The following PIEZO2 variants were observed in gnomAD, a reference collection of about 807,000 sequenced individuals.
PIEZO2 encodes piezo type mechanosensitive ion channel component 2, also known as piezo-type mechanosensitive ion channel component 2.
Under a neutral mutation model 337.3 loss-of-function variants are expected in PIEZO2, and 172 were observed. The observed-to-expected ratio is 0.51, with a 90% CI of 0.45 to 0.58. The LOEUF is 0.58. Ranked by LOEUF, PIEZO2 falls within the 20% of genes least tolerant of loss-of-function variation. The pLI, the probability that PIEZO2 is intolerant of heterozygous loss-of-function variation, is 0.00. For synonymous variants in PIEZO2, 1,251 were observed against 1,228.5 expected (o/e 1.02, Z -0.38); for missense variants, 3,028 against 3,391.3 (o/e 0.89, Z 2.66).
chr18:10,762,401 G>A, intron 23 of PIEZO2, 99 bp downstream of exon 23: 1 of 1,375,936 alleles, frequency 7.3e-7, no homozygotes, highest in Non-Finnish European at 9.7e-7. Context: ...GAGAAGATAT[G>A]GTTACTATCA....
intron 7 of PIEZO2, among the ~76,000 whole-genome samples, chr18:10,829,087 T>C (rs900875998): frequency 4.6e-5 from 7 of 152,210 alleles, no homozygotes; most frequent in Non-Finnish European, 8.8e-5. Context: ...TTGATTGATA[T>C]TAATTTAATA....
chr18:10,759,409 C>T lies in PIEZO2; in HGVS notation c.3757+73G>A. 1 of 1,276,174 alleles carries T rather than the reference C, an allele frequency of 7.8e-7. No individual in the cohort carries two copies. The highest frequency in any genetic ancestry group is 1.1e-6 in the Non-Finnish European group (1 of 913,260). The allele number at this position is 1,276,174 out of a possible 1,614,324, so 79.1% of individuals were successfully genotyped here. On this transcript the variant is annotated intron_variant, in intron 26 of 55. Transcript: ENST00000674853. This position sits in a 1 kb window ranked among gnomAD's most constrained non-coding sequence, Gnocchi z 5.5. ...TAGTGGAAGACAAAAGGCACTAATG[C>T]ATAGCACGTGAACAATGATTAACAG...
Position 10,781,209 on chromosome 18 carries a change from G to C in PIEZO2, c.2493-843C>G, listed in dbSNP as rs9955301. 6.6e-6 allele frequency among the ~76,000 whole-genome samples: 1 copy of C among 151,856 alleles called. No homozygotes were observed. The highest frequency in any genetic ancestry group is 2.1e-4 in the South Asian group (1 of 4,818). On this transcript the variant is annotated intron_variant, in intron 17 of 55. Transcript: ENST00000674853. The surrounding 1 kb of genome is among the most constrained non-coding windows in gnomAD (Gnocchi z 4.1). ...AATATGGCCGGGTGTGGTGGCTCAC[G>C]CCTGTAATCCCAGCACTTTGGGAAG... is the stretch of plus-strand genomic sequence containing the variant.
At chr18:10,776,185 G>A (rs774081817) in intron 18 of PIEZO2, among the ~76,000 whole-genome samples, 6 of 151,914 alleles carry the variant, frequency 3.9e-5, no homozygotes, top group African/African-American at 7.3e-5. Flanking sequence ...AAAAGACTTG[G>A]GTTCAAGTCT....
Position 11,128,386 on chromosome 18 carries a change from C to T in PIEZO2, c.64+20139G>A, listed in dbSNP as rs538397615. Among the ~76,000 whole-genome samples, 218 of 152,220 alleles carry T rather than the reference C, an allele frequency of 1.4e-3. No individual in the cohort carries two copies. Among genetic ancestry groups the T allele is most frequent in the African/African-American group, 4.8e-3 (199 of 41,524 alleles). ...GCAACGAAAGATACATGCACAGCCCCGCCAGGTGTCTACTGTTAAAGTGAG... is the reference window on the plus strand; with the variant it reads ...GCAACGAAAGATACATGCACAGCCCTGCCAGGTGTCTACTGTTAAAGTGAG... On this transcript the variant is annotated intron_variant, in intron 1 of 55. Coordinates refer to ENST00000674853, the MANE Select transcript of PIEZO2 (RefSeq NM_001378183.1). The surrounding 1 kb of genome is among the most constrained non-coding windows in gnomAD (Gnocchi z 4.1).
chr18:10,970,490 CT>C (rs1235935431), intron 3 of PIEZO2, among the ~76,000 whole-genome samples: 1 of 152,178 alleles, frequency 6.6e-6, no homozygotes, highest in East Asian at 1.9e-4. Flanking sequence ...CAACTTAACT[CT>C]TCTGTTTTTG....
rs1338616459 is a variant in PIEZO2 at position 10,895,536 on chromosome 18, C to T, written c.329+15650G>A. Among the ~76,000 whole-genome samples the T allele has an allele frequency of 6.6e-6, 1 of 152,122 alleles. No homozygotes were observed. Among genetic ancestry groups the T allele is most frequent in the Non-Finnish European group, 1.5e-5 (1 of 68,022 alleles). On this transcript the variant is annotated intron_variant, in intron 4 of 55. Transcript: ENST00000674853. The surrounding 1 kb of genome is among the most constrained non-coding windows in gnomAD (Gnocchi z 4.8). ...CCACACCAGAGCCCCCCAGCTGGAA[C>T]AGAGTGCCGGGGAATGGTGCCGTTT...
chr18:11,042,871 T>C (rs2037174246), intron 2 of PIEZO2, among the ~76,000 whole-genome samples: 1 of 152,218 alleles, frequency 6.6e-6, no homozygotes, highest in East Asian at 1.9e-4. Flanking sequence ...ACCTTCCAAG[T>C]TGAATTAAAT....
At position 10,707,606 on chromosome 18, in the gene PIEZO2, G is replaced by T. The variant is rs1032049943; in HGVS notation, c.5588+669C>A. Among the ~76,000 whole-genome samples the T allele has an allele frequency of 6.6e-6, 1 of 152,168 alleles. No individual in the cohort carries two copies. Among genetic ancestry groups the T allele is most frequent in the African/African-American group, 2.4e-5 (1 of 41,432 alleles). Reference sequence around the variant, plus strand: ...TAAGGCAATTCAAAAAGAGTTTTCGGGTTGTATGCAAATAATTTTATTTCT... The same window carrying T: ...TAAGGCAATTCAAAAAGAGTTTTCGTGTTGTATGCAAATAATTTTATTTCT... On this transcript the variant is annotated intron_variant, in intron 40 of 55. Coordinates refer to ENST00000674853, the MANE Select transcript of PIEZO2 (RefSeq NM_001378183.1). This position sits in a 1 kb window ranked among gnomAD's most constrained non-coding sequence, Gnocchi z 4.2.
intron 7 of PIEZO2, among the ~76,000 whole-genome samples, chr18:10,829,311 T>G (rs540945756): frequency 3.3e-5 from 5 of 150,150 alleles, no homozygotes; most frequent in Admixed American, 6.6e-5. Flanking sequence ...CTCAACACAA[T>G]AAAAGCCATA....
At chr18:10,736,275 C>T (rs2036990016) in intron 34 of PIEZO2, among the ~76,000 whole-genome samples, 1 of 99,482 alleles carries the variant, frequency 1.0e-5, no homozygotes, top group Non-Finnish European at 2.0e-5. Context: ...CAATGCAATG[C>T]CAGAGAAGTC....
At chr18:10,721,992 A>C (rs2036330962) in intron 36 of PIEZO2, among the ~76,000 whole-genome samples, 1 of 152,068 alleles carries the variant, frequency 6.6e-6, no homozygotes, top group African/African-American at 2.4e-5. Flanking sequence ...GGTCTCTACG[A>C]AAATACAAAA....
At chr18:10,793,289 T>C (rs9966251) in intron 13 of PIEZO2, among the ~76,000 whole-genome samples, 25,535 of 152,050 alleles carry the variant, frequency 0.17, 2,474 homozygotes, top group East Asian at 0.39. Context: ...ACAAATGTTA[T>C]TGTAATAGAA....
intron 2 of PIEZO2, among the ~76,000 whole-genome samples, chr18:10,995,310 G>A (rs2035281062): frequency 6.6e-6 from 1 of 151,956 alleles, no homozygotes; most frequent in African/African-American, 2.4e-5. Flanking sequence ...ACCCACTTTT[G>A]GATGGGATTG....
intron 4 of PIEZO2, among the ~76,000 whole-genome samples, chr18:10,885,451 A>C (rs1296795152): frequency 6.6e-6 from 1 of 152,036 alleles, no homozygotes; most frequent in African/African-American, 2.4e-5. Flanking sequence ...TAAAAAGGGA[A>C]TAAAACACTG....
intron 3 of PIEZO2, among the ~76,000 whole-genome samples, chr18:10,976,836 G>A (rs753782678): frequency 3.9e-5 from 6 of 152,134 alleles, no homozygotes; most frequent in Admixed American, 2.0e-4. Flanking sequence ...CCTGGAAAGA[G>A]GCAGGTCAAG....
In PIEZO2 at chr18:10,696,363, C is replaced by G. The variant is rs114256247; in HGVS notation, c.6975+29G>C. 5.0e-6 allele frequency: 8 copies of G among 1,614,046 alleles called. No individual in the cohort carries two copies. The South Asian group carries it at 8.8e-5, about 18-fold the overall frequency. ...GAAGCGCCATCGCCATGGGTCAGGG[C>G]GGGTGCTGTGGCCTTTGCCCCAACC... On this transcript the variant is annotated intron_variant, in intron 46 of 55. Coordinates refer to ENST00000674853, the MANE Select transcript of PIEZO2 (RefSeq NM_001378183.1).
intron 7 of PIEZO2, among the ~76,000 whole-genome samples, chr18:10,823,226 T>C (rs1192847604): frequency 2.6e-5 from 4 of 152,246 alleles, no homozygotes; most frequent in South Asian, 4.1e-4. Context: ...TTAACATTTT[T>C]GTTTTTTATT....
In PIEZO2 at chr18:10,993,836, CT is replaced by C. The variant is rs575577964; in HGVS notation, c.161-14177del. Among the ~76,000 whole-genome samples the C allele has an allele frequency of 3.9e-3, 589 of 151,268 alleles. 6 individuals are homozygous for C. Among genetic ancestry groups the C allele is most frequent in the African/African-American group, 0.013 (539 of 41,280 alleles). ...GCCACCGCTCCTGGCCATGTCTCTG[CT>C]TTTTTTTTATTATTAATTTTAAAAT... is the stretch of plus-strand genomic sequence containing the variant. On this transcript the variant is annotated intron_variant, in intron 2 of 55. Transcript: ENST00000674853. This position sits in a 1 kb window ranked among gnomAD's most constrained non-coding sequence, Gnocchi z 5.0.
Sources: allele counts gnomAD v4.1 joint callset (sites outside exome capture counted in the v4.1 genomes callset), GRCh38; gene constraint gnomAD v4.1.1; non-coding constraint Gnocchi (gnomAD v3.1); transcripts MANE v1.5; gene names NCBI Gene and HGNC (gene_info 2026-07-23, HGNC 2026-07-21).